ITGB2: variants seen among roughly 807,000 people sequenced by gnomAD.
ITGB2 encodes integrin beta-2.
A neutral mutation model predicts 86.8 loss-of-function variants in ITGB2; 56 were observed. That is an observed-to-expected ratio of 0.65 (90% CI 0.52 to 0.81). The LOEUF (loss-of-function observed/expected upper bound fraction) is 0.81, where lower values mean the gene tolerates loss of function less well. ITGB2 is among the 30% of genes least tolerant of loss of function. ITGB2 has a pLI of 0.00. For synonymous variants in ITGB2, 457 were observed against 450.4 expected (o/e 1.01, Z -0.19); for missense variants, 948 against 1,061.2 (o/e 0.89, Z 1.48).
intron 8 of ITGB2, among the ~76,000 whole-genome samples, chr21:44,897,450 T>C (rs1426871218): frequency 6.6e-6 from 1 of 152,158 alleles, no homozygotes; most frequent in African/African-American, 2.4e-5. Context: ...ATGGCGGTGA[T>C]GGCCCTGGAA....
intron 1 of ITGB2, among the ~76,000 whole-genome samples, chr21:44,920,025 TG>T (rs1172935727): frequency 1.3e-5 from 2 of 152,128 alleles, no homozygotes; most frequent in Admixed American, 6.5e-5. Flanking sequence ...GGTCACCAGC[TG>T]AACCAACTCG....
intron 6 of ITGB2, 147 bp downstream of exon 6, chr21:44,901,345 C>G: frequency 4.1e-6 from 4 of 985,512 alleles, no homozygotes; most frequent in Non-Finnish European, 5.9e-6. Flanking sequence ...TGGGCAGCAG[C>G]AGGGTGAGGA....
intron 1 of ITGB2, among the ~76,000 whole-genome samples, chr21:44,912,540 G>A (rs555520743): frequency 2.2e-4 from 33 of 152,286 alleles, no homozygotes; most frequent in African/African-American, 7.7e-4. Flanking sequence ...CCCGTCCTGG[G>A]GTCAAAAACA....
At chr21:44,910,448 G>A in intron 2 of ITGB2, 76 bp from the exon 3 acceptor site, 3 of 1,604,894 alleles carry the variant, frequency 1.9e-6, no homozygotes, top group Non-Finnish European at 2.6e-6. Context: ...AGAGCAGGAA[G>A]GTCAGAGGAG....
chr21:44,887,732 C>T (rs764899127), intron 14 of ITGB2, among the ~76,000 whole-genome samples: 19 of 152,222 alleles, frequency 1.2e-4, no homozygotes, highest in Admixed American at 1.1e-3. Context: ...ACAAACCAGA[C>T]GTGACCCAAG....
At chr21:44,887,349 G>A (rs531387643) in intron 14 of ITGB2, among the ~76,000 whole-genome samples, 1 of 152,290 alleles carries the variant, frequency 6.6e-6, no homozygotes, top group East Asian at 1.9e-4. Flanking sequence ...AGCAGGTGAG[G>A]CCGGTGCCAG....
rs377760671 is a variant in ITGB2 at position 44,889,505 on chromosome 21, G to A, written c.1658-10C>T. ...AAGCAGAGCCCCCTCCCTGGAAGAC[G>A]GGGCAGCACGGCTAAGCTCCTGCTT... is the stretch of plus-strand genomic sequence containing the variant. On this transcript the variant is annotated splice_polypyrimidine_tract_variant and intron_variant, in intron 12 of 15. Transcript: ENST00000652462. 39 of 1,552,814 alleles carry A rather than the reference G, an allele frequency of 2.5e-5. No homozygotes were observed. Among genetic ancestry groups the A allele is most frequent in the South Asian group, 7.1e-5 (6 of 84,974 alleles).
intron 14 of ITGB2, 84 bp downstream of exon 14, chr21:44,888,609 C>T (rs2083732518): frequency 4.1e-6 from 6 of 1,470,014 alleles, no homozygotes; most frequent in South Asian, 1.1e-5. Flanking sequence ...AGGTGAGATC[C>T]TCCTTCCGCA....
At chr21:44,889,007 C>G (rs866397341) in intron 13 of ITGB2, 112 bp from the exon 14 acceptor site, 1 of 944,504 alleles carries the variant, frequency 1.1e-6, no homozygotes, top group Non-Finnish European at 1.6e-6. Flanking sequence ...TTGGGGCGCC[C>G]TCAGGCCAAG....
chr21:44,914,445 G>A (rs1283941733), intron 1 of ITGB2, among the ~76,000 whole-genome samples: 1 of 152,182 alleles, frequency 6.6e-6, no homozygotes, highest in African/African-American at 2.4e-5. Context: ...CAGGGGCCGG[G>A]CGCCCTTCCC....
upstream of ITGB2, among the ~76,000 whole-genome samples, chr21:44,922,222 G>A (rs1601341489): frequency 6.6e-6 from 1 of 152,178 alleles, no homozygotes; most frequent in East Asian, 1.9e-4. Context: ...AGGGGCCAGG[G>A]AGCACATTGC....
At chr21:44,917,749 T>C (rs1237178987) in intron 1 of ITGB2, among the ~76,000 whole-genome samples, 5 of 152,122 alleles carry the variant, frequency 3.3e-5, no homozygotes, top group Non-Finnish European at 2.9e-5. Context: ...CAAGTTTCCA[T>C]CACACACAGA....
intron 1 of ITGB2, among the ~76,000 whole-genome samples, chr21:44,919,909 T>A (rs1312250360): frequency 6.9e-6 from 1 of 145,578 alleles, no homozygotes; most frequent in African/African-American, 2.6e-5. Flanking sequence ...AGTGCAGTGT[T>A]GGGGGAAGGG....
At chr21:44,902,017 T>C (rs999930473) in intron 5 of ITGB2, among the ~76,000 whole-genome samples, 2 of 152,250 alleles carry the variant, frequency 1.3e-5, no homozygotes, top group African/African-American at 4.8e-5. Flanking sequence ...GGTATACATG[T>C]GGGCATGTGA....
chr21:44,895,041 G>C lies in ITGB2; in HGVS notation c.1013C>G (p.Pro338Arg). 1 of 1,613,612 alleles carries C rather than the reference G, an allele frequency of 6.2e-7. No individual in the cohort carries two copies. The highest frequency in any genetic ancestry group is 8.5e-7 in the Non-Finnish European group (1 of 1,179,740). Residue 338 changes from proline to arginine, a missense_variant, in exon 9 of 16, where the codon CCC becomes CGC. Coordinates refer to ENST00000652462, the MANE Select transcript of ITGB2 (RefSeq NM_000211.5). ...AGACAGCTCCCCCACGGCTGACTTG[G>C]GGATGATCTCGGTGAGTTTCTGTTG... ...KTYEKLTEII[P>R]KSAVGELSED...
intron 8 of ITGB2, among the ~76,000 whole-genome samples, chr21:44,898,218 C>T (rs2083896603): frequency 6.6e-6 from 1 of 152,168 alleles, no homozygotes; most frequent in South Asian, 2.1e-4. Flanking sequence ...GACACCGAGG[C>T]TCAAGAGCCT....
chr21:44,889,217 G>T, intron 13 of ITGB2, 59 bp downstream of exon 13: 1 of 1,535,910 alleles, frequency 6.5e-7, no homozygotes, highest in African/African-American at 1.4e-5. Flanking sequence ...CCCGGCTGCT[G>T]GGTAGGTGGC....
chr21:44,900,407 C>T lies in ITGB2; in HGVS notation c.810G>A (p.Ala270=), dbSNP rs61737077. The change falls in exon 7 of 16, where the codon GCG becomes GCA. Residue 270 remains alanine (A), a synonymous_variant. Transcript: ENST00000652462. ...GGATGGCGCCCAGCTTCCCGTCGCC[C>T]GCGAAATGGAAGCCGTCATCAGTGG... The part of the protein sequence containing the change: ...VFATDDGFHF[A]GDGKLGAILT... 1,550 of 1,614,046 alleles carry T rather than the reference C, an allele frequency of 9.6e-4. 17 individuals are homozygous for T. The African/African-American group carries it at 0.018, about 19-fold the overall frequency.
upstream of ITGB2, chr21:44,923,017 C>T (rs144112065): frequency 3.9e-5 from 6 of 152,262 alleles, no homozygotes; most frequent in African/African-American, 4.8e-5. Flanking sequence ...ACGTCACGGA[C>T]GCAGCAGACG....
Sources: gnomAD v4.1 joint callset for allele counts (sites outside exome capture counted in the v4.1 genomes callset) on GRCh38, gnomAD v4.1.1 for gene constraint, MANE v1.5 for transcripts, NCBI Gene and HGNC (gene_info 2026-07-23, HGNC 2026-07-21) for gene names.